The following COL7A1 variants were observed in gnomAD, a reference collection of about 807,000 sequenced individuals.
COL7A1 encodes collagen alpha-1(VII) chain.
Under a neutral mutation model 456.2 loss-of-function variants are expected in COL7A1, and 296 were observed. That is an observed-to-expected ratio of 0.65 (90% CI 0.59 to 0.71). The LOEUF (loss-of-function observed/expected upper bound fraction) is 0.71, where lower values mean the gene tolerates loss of function less well. Among genes scored for constraint, COL7A1 ranks in the 30% least tolerant of loss-of-function variants. COL7A1 has a pLI of 0.00. For synonymous variants in COL7A1, 1,464 were observed against 1,525.9 expected (o/e 0.96, Z 0.95); for missense variants, 3,441 against 4,017.2 (o/e 0.86, Z 3.88).
chr3:48,578,188 G>A lies in COL7A1; in HGVS notation c.5532+133C>T. 2 of 1,012,916 alleles carry A rather than the reference G, an allele frequency of 2.0e-6. No homozygotes were observed. The highest frequency in any genetic ancestry group is 2.6e-5 in the East Asian group (1 of 38,482). The allele number at this position is 1,012,916 out of a possible 1,614,324, so 62.7% of individuals were successfully genotyped here. On this transcript the variant is annotated intron_variant, in intron 65 of 118. Transcript: ENST00000681320. The surrounding 1 kb of genome is among the most constrained non-coding windows in gnomAD (Gnocchi z 4.7). ...TCAAAAAAAAAAAAACTATGTTTCT[G>A]GATGCATCTGTATGTCTGGGCCAGG...
chr3:48,571,464 C>A lies in COL7A1; in HGVS notation c.7069-186G>T, dbSNP rs1264463701. ...ATGGCCTATCTCAGGACAGCACAGA[C>A]AGAGGGACGCTCAGATACTACCATA... On this transcript the variant is annotated intron_variant, in intron 92 of 118. Transcript: ENST00000681320. This position sits in a 1 kb window ranked among gnomAD's most constrained non-coding sequence, Gnocchi z 4.6. The A allele has an allele frequency of 1.3e-6, 1 of 759,138 alleles. No homozygotes were observed. Among genetic ancestry groups the A allele is most frequent in the Non-Finnish European group, 2.4e-6 (1 of 424,492 alleles). The allele number at this position is 759,138 out of a possible 1,614,324, so 47.0% of individuals were successfully genotyped here.
In COL7A1 at chr3:48,583,209, G is replaced by T; in HGVS notation, c.4438-38C>A. 2 of 1,612,520 alleles carry T rather than the reference G, an allele frequency of 1.2e-6. No homozygotes were observed. The highest frequency in any genetic ancestry group is 8.5e-7 in the Non-Finnish European group (1 of 1,179,440). Reference sequence around the variant, plus strand: ...GGTGAGAGAAAGACAGAGAGAGAGAGGGTTGGTGGCGGGGCTTGAACGTCA... The same window carrying T: ...GGTGAGAGAAAGACAGAGAGAGAGATGGTTGGTGGCGGGGCTTGAACGTCA... On this transcript the variant is annotated intron_variant, in intron 42 of 118. Transcript: ENST00000681320. This position sits in a 1 kb window ranked among gnomAD's most constrained non-coding sequence, Gnocchi z 5.1.
In COL7A1 at chr3:48,574,569, G is replaced by A; in HGVS notation, c.6394-19C>T. On this transcript the variant is annotated intron_variant, in intron 78 of 118. Transcript: ENST00000681320. This position sits in a 1 kb window ranked among gnomAD's most constrained non-coding sequence, Gnocchi z 5.0. Reference sequence around the variant, plus strand: ...GCACACCCTGAAGGCAGAGTGTCGTGCCCTGAGCCCCCAGTCCCTGCCACG... The same window carrying A: ...GCACACCCTGAAGGCAGAGTGTCGTACCCTGAGCCCCCAGTCCCTGCCACG... 6.2e-7 allele frequency: 1 copy of A among 1,613,884 alleles called. No homozygotes were observed. Among genetic ancestry groups the A allele is most frequent in the South Asian group, 1.1e-5 (1 of 91,084 alleles).
chr3:48,585,153 T>A lies in COL7A1; in HGVS notation c.3895-37A>T, dbSNP rs756421438. 17 of 1,600,042 alleles carry A rather than the reference T, an allele frequency of 1.1e-5. No homozygotes were observed. The highest frequency in any genetic ancestry group is 1.4e-5 in the Non-Finnish European group (17 of 1,173,276). On this transcript the variant is annotated intron_variant, in intron 32 of 118. Coordinates refer to ENST00000681320, the MANE Select transcript of COL7A1 (RefSeq NM_000094.4). The surrounding 1 kb of genome is among the most constrained non-coding windows in gnomAD (Gnocchi z 4.5). ...AAGAGGTCAGGACAGGAAGGGACCC[T>A]CCCCCAAGGCCCCTGGTTTGCTGGA...
Position 48,592,987 on chromosome 3 carries a change from G to A in COL7A1, c.683-49C>T. The A allele has an allele frequency of 6.2e-7, 1 of 1,612,620 alleles. No individual in the cohort carries two copies. Among genetic ancestry groups the A allele is most frequent in the Non-Finnish European group, 8.5e-7 (1 of 1,179,594 alleles). The stretch of plus-strand genomic sequence containing the variant: ...CAGGCAGGAGGATTGGGGTGGGCAT[G>A]TATGATGCAGAGTTGGGGTCGGGGT... On this transcript the variant is annotated intron_variant, in intron 6 of 118. Coordinates refer to ENST00000681320, the MANE Select transcript of COL7A1 (RefSeq NM_000094.4). This position sits in a 1 kb window ranked among gnomAD's most constrained non-coding sequence, Gnocchi z 7.6.
chr3:48,566,133 G>GGACTGA lies in COL7A1; in HGVS notation c.8407+133_8407+134insTCAGTC. On this transcript the variant is annotated intron_variant, in intron 114 of 118. Transcript: ENST00000681320. This position sits in a 1 kb window ranked among gnomAD's most constrained non-coding sequence, Gnocchi z 5.9. ...ACACATGTCATGTGTCAGTCCTGCA[G>GGACTGA]CACATGTGTCCTTCTGTGTATCCAT... is the stretch of plus-strand genomic sequence containing the variant. 1.1e-6 allele frequency: 1 copy of GGACTGA among 938,142 alleles called. No individual in the cohort carries two copies. The highest frequency in any genetic ancestry group is 1.7e-6 in the Non-Finnish European group (1 of 596,372). The allele number at this position is 938,142 out of a possible 1,614,324, so 58.1% of individuals were successfully genotyped here.
rs777265238 is a variant in COL7A1 at position 48,573,153 on chromosome 3, G to A, written c.6714+21C>T. 61 of 1,613,880 alleles carry A rather than the reference G, an allele frequency of 3.8e-5. No homozygotes were observed. The highest frequency in any genetic ancestry group is 5.0e-5 in the Admixed American group (3 of 60,008). On this transcript the variant is annotated intron_variant, in intron 85 of 118. Transcript: ENST00000681320. This position sits in a 1 kb window ranked among gnomAD's most constrained non-coding sequence, Gnocchi z 5.5. ...GAGTGAAAACACGGTGTCCCTACAG[G>A]GGCCACAGGGACTCACTCACCACAA...
chr3:48,564,723 C>G lies in COL7A1; in HGVS notation c.8818+60G>C. On this transcript the variant is annotated intron_variant, in intron 118 of 118. Transcript: ENST00000681320. This position sits in a 1 kb window ranked among gnomAD's most constrained non-coding sequence, Gnocchi z 6.0. ...AACCCTGGCCCAAGGACTCCTCCCCCAGAACCCGATCCAGGCAGGCTCAGT... is the reference window on the plus strand; with the variant it reads ...AACCCTGGCCCAAGGACTCCTCCCCGAGAACCCGATCCAGGCAGGCTCAGT... 1.3e-6 allele frequency: 2 copies of G among 1,563,258 alleles called. No homozygotes were observed. Among genetic ancestry groups the G allele is most frequent in the South Asian group, 1.2e-5 (1 of 85,778 alleles).
chr3:48,582,801 G>A, intron 44 of COL7A1, 148 bp from the exon 45 acceptor site: 2 of 1,129,900 alleles, frequency 1.8e-6, no homozygotes, highest in South Asian at 1.3e-5. Context: ...GGAGAACAGA[G>A]ACCAGGTCAG....
In COL7A1 at chr3:48,594,959, G is replaced by C. The variant is rs1221069062; in HGVS notation, c.85+116C>G. The C allele has an allele frequency of 1.2e-6, 1 of 853,542 alleles. No homozygotes were observed. Among genetic ancestry groups the C allele is most frequent in the African/African-American group, 1.7e-5 (1 of 59,812 alleles). The allele number at this position is 853,542 out of a possible 1,614,324, so 52.9% of individuals were successfully genotyped here. A position where few individuals can be genotyped will look rare whatever the true frequency, so the allele number is the denominator to read the frequency against. ...AGTCCCAGAATTAGGAGGAATCCGC[G>C]GGGCGTCGTGGAGTTGGCTGGGTTG... On this transcript the variant is annotated intron_variant, in intron 2 of 118. Transcript: ENST00000681320. This position sits in a 1 kb window ranked among gnomAD's most constrained non-coding sequence, Gnocchi z 5.5.
chr3:48,585,063 A>G lies in COL7A1; in HGVS notation c.3948T>C (p.Pro1316=). 1.2e-6 allele frequency: 2 copies of G among 1,612,742 alleles called. No individual in the cohort carries two copies. The highest frequency in any genetic ancestry group is 1.7e-6 in the Non-Finnish European group (2 of 1,179,882). ...TTAGGCCAGGGGCTCCAGGGGTCCCAGGATTCCCGGCGCGGCCAGGGCTGC... is the reference window on the plus strand; with the variant it reads ...TTAGGCCAGGGGCTCCAGGGGTCCCGGGATTCCCGGCGCGGCCAGGGCTGC... ...RPGSPGRAGN[P]GTPGAPGLKG... is the part of the protein sequence containing the mutation. Residue 1316 remains proline, a synonymous_variant, in exon 33 of 119, where the codon CCT becomes CCC. Coordinates refer to ENST00000681320, the MANE Select transcript of COL7A1 (RefSeq NM_000094.4). This position sits in a 1 kb window ranked among gnomAD's most constrained non-coding sequence, Gnocchi z 4.5.
chr3:48,569,235 A>T lies in COL7A1; in HGVS notation c.7686+140T>A. ...CTCCCTAGAGCCCCTCCTCTCGGCC[A>T]CTCCATAGTCAGCCACAGAACCCCT... is the stretch of plus-strand genomic sequence containing the variant. On this transcript the variant is annotated intron_variant, in intron 103 of 118. Coordinates refer to ENST00000681320, the MANE Select transcript of COL7A1 (RefSeq NM_000094.4). This position sits in a 1 kb window ranked among gnomAD's most constrained non-coding sequence, Gnocchi z 4.9. The T allele has an allele frequency of 9.7e-7, 1 of 1,033,832 alleles. No individual in the cohort carries two copies. The highest frequency in any genetic ancestry group is 1.5e-6 in the Non-Finnish European group (1 of 668,986). 64.0% of individuals were successfully genotyped at this position (1,033,832 alleles called of 1,614,324 possible). A position where few individuals can be genotyped will look rare whatever the true frequency, so the allele number is the denominator to read the frequency against.
chr3:48,571,127 C>T lies in COL7A1; in HGVS notation c.7138G>A (p.Gly2380Arg). The T allele has an allele frequency of 6.2e-7, 1 of 1,614,072 alleles. No homozygotes were observed. Among genetic ancestry groups the T allele is most frequent in the Non-Finnish European group, 8.5e-7 (1 of 1,180,030 alleles). ...DPGVGVPGSPGPPGPPGVKGD... is the reference protein window; with the variant it reads ...DPGVGVPGSPRPPGPPGVKGD... ...TTCACACCTGGAGGGCCAGGAGGCC[C>T]AGGGGAGCCCGGGACCCCGACTCCT... Residue 2380 changes from glycine to arginine, a missense_variant, in exon 94 of 119, where the codon GGG becomes AGG. By Grantham distance (125) the Gly-to-Arg change is moderately radical. Around this residue, in one of 3 missense-constraint regions of COL7A1, gnomAD observed 2,084 missense variants for 2,501.3 expected, o/e 0.83. Coordinates refer to ENST00000681320, the MANE Select transcript of COL7A1 (RefSeq NM_000094.4). This position sits in a 1 kb window ranked among gnomAD's most constrained non-coding sequence, Gnocchi z 4.6.
Position 48,573,613 on chromosome 3 carries a change from C to G in COL7A1, c.6574-56G>C. The G allele has an allele frequency of 1.9e-6, 3 of 1,613,692 alleles. No homozygotes were observed. The highest frequency in any genetic ancestry group is 2.5e-6 in the Non-Finnish European group (3 of 1,179,786). On this transcript the variant is annotated intron_variant, in intron 82 of 118. Coordinates refer to ENST00000681320, the MANE Select transcript of COL7A1 (RefSeq NM_000094.4). The surrounding 1 kb of genome is among the most constrained non-coding windows in gnomAD (Gnocchi z 5.5). Reference sequence around the variant, plus strand: ...GGCTCAGGGATTAACACAGAGAAGGCCTGGCTCATCAGCTGTGGCCAATGC... The same window carrying G: ...GGCTCAGGGATTAACACAGAGAAGGGCTGGCTCATCAGCTGTGGCCAATGC...
chr3:48,570,606 A>G lies in COL7A1; in HGVS notation c.7344+33T>C. The G allele has an allele frequency of 6.2e-7, 1 of 1,611,850 alleles. No homozygotes were observed. The highest frequency in any genetic ancestry group is 2.2e-5 in the East Asian group (1 of 44,788). ...TAAGTCCTCACGAGGACAGGAAATC[A>G]AATACGTGGGGCTTTAGGGCACCTC... On this transcript the variant is annotated intron_variant, in intron 96 of 118. Coordinates refer to ENST00000681320, the MANE Select transcript of COL7A1 (RefSeq NM_000094.4). The surrounding 1 kb of genome is among the most constrained non-coding windows in gnomAD (Gnocchi z 5.5).
In COL7A1 at chr3:48,592,723, T is replaced by C. The variant is rs746814517; in HGVS notation, c.847-24A>G. Reference sequence around the variant, plus strand: ...ACCTGCCCAGGGCAAGAGGTCACTTTATCTTGCCCAGCCAAGTCCCCAGCC... The same window carrying C: ...ACCTGCCCAGGGCAAGAGGTCACTTCATCTTGCCCAGCCAAGTCCCCAGCC... On this transcript the variant is annotated intron_variant, in intron 7 of 118. Coordinates refer to ENST00000681320, the MANE Select transcript of COL7A1 (RefSeq NM_000094.4). The surrounding 1 kb of genome is among the most constrained non-coding windows in gnomAD (Gnocchi z 7.6). The C allele has an allele frequency of 1.1e-5, 18 of 1,613,330 alleles. No homozygotes were observed. The African/African-American group carries it at 2.1e-4, about 19-fold the overall frequency.
rs746352208 is a variant in COL7A1, at chr3:48,573,480, GCCT to G, written c.6618+30_6618+32del. The G allele has an allele frequency of 1.2e-6, 2 of 1,613,952 alleles. No individual in the cohort carries two copies. Among genetic ancestry groups the G allele is most frequent in the South Asian group, 1.1e-5 (1 of 91,084 alleles). ...CCAGGCATGGACACAGCTTGAAGGA[GCCT>G]CCTCCTCCTATCCACACACCTAGAC... On this transcript the variant is annotated intron_variant, in intron 83 of 118. Coordinates refer to ENST00000681320, the MANE Select transcript of COL7A1 (RefSeq NM_000094.4). The surrounding 1 kb of genome is among the most constrained non-coding windows in gnomAD (Gnocchi z 5.5).
At position 48,594,962 on chromosome 3, in the gene COL7A1, G is replaced by A; in HGVS notation, c.85+113C>T. 2 of 862,290 alleles carry A rather than the reference G, an allele frequency of 2.3e-6. No homozygotes were observed. Among genetic ancestry groups the A allele is most frequent in the Middle Eastern group, 3.4e-4 (1 of 2,936 alleles). 53.4% of individuals were successfully genotyped at this position (862,290 alleles called of 1,614,324 possible). A position where few individuals can be genotyped will look rare whatever the true frequency, so the allele number is the denominator to read the frequency against. ...CCCAGAATTAGGAGGAATCCGCGGG[G>A]CGTCGTGGAGTTGGCTGGGTTGTGG... On this transcript the variant is annotated intron_variant, in intron 2 of 118. Transcript: ENST00000681320. This position sits in a 1 kb window ranked among gnomAD's most constrained non-coding sequence, Gnocchi z 5.5.
Position 48,584,780 on chromosome 3 carries a change from A to C in COL7A1, c.4012-11T>G, listed in dbSNP as rs766139687. Reference sequence around the variant, plus strand: ...AGGTCCTCGCTCTCCCTGAGGACGAAACAGAGCAGAGGGTGGTGCTTGGGC... The same window carrying C: ...AGGTCCTCGCTCTCCCTGAGGACGACACAGAGCAGAGGGTGGTGCTTGGGC... On this transcript the variant is annotated splice_polypyrimidine_tract_variant and intron_variant, in intron 34 of 118. Coordinates refer to ENST00000681320, the MANE Select transcript of COL7A1 (RefSeq NM_000094.4). The C allele has an allele frequency of 6.2e-7, 1 of 1,613,984 alleles. No individual in the cohort carries two copies. The highest frequency in any genetic ancestry group is 2.2e-5 in the East Asian group (1 of 44,860).
Sources: allele counts gnomAD v4.1 joint callset, GRCh38; gene constraint gnomAD v4.1.1; regional missense constraint gnomAD v4.1.1; non-coding constraint Gnocchi (gnomAD v3.1); transcripts MANE v1.5; gene names NCBI Gene and HGNC (gene_info 2026-07-23, HGNC 2026-07-21).